STK32B: variants seen among roughly 807,000 people sequenced by gnomAD.
STK32B encodes the protein serine/threonine kinase 32B.
STK32B carries 43 observed loss-of-function variants against 52.6 expected under a neutral mutation model. The observed-to-expected ratio is 0.82, with a 90% CI of 0.64 to 1.05. The LOEUF (loss-of-function observed/expected upper bound fraction) is 1.05. Among genes scored for constraint, STK32B ranks in the 50% least tolerant of loss-of-function variants. STK32B has a pLI of 0.00. For missense variants in STK32B, 621 were observed against 534.6 expected (o/e 1.16, Z -1.59); for synonymous variants, 238 against 204.3 (o/e 1.17, Z -1.41).
chr4:5,335,228 T>G (rs1732574339), intron 4 of STK32B, among the ~76,000 whole-genome samples: 1 of 152,204 alleles, frequency 6.6e-6, no homozygotes. Context: ...GTCGAGGAAT[T>G]TATCCATTTC....
chr4:5,200,907 G>A (rs1162957583), intron 3 of STK32B, among the ~76,000 whole-genome samples: 2 of 152,214 alleles, frequency 1.3e-5, no homozygotes, highest in Non-Finnish European at 2.9e-5. Context: ...GTTCCATGAT[G>A]TAGCCAGGGT....
intron 4 of STK32B, among the ~76,000 whole-genome samples, chr4:5,363,567 T>A (rs932659037): frequency 6.6e-6 from 1 of 152,204 alleles, no homozygotes; most frequent in African/African-American, 2.4e-5. Flanking sequence ...TTTTAGAAAT[T>A]ACAGGGCTTG....
intron 2 of STK32B, among the ~76,000 whole-genome samples, chr4:5,159,528 T>G (rs374062407): frequency 8.3e-6 from 1 of 120,698 alleles, no homozygotes; most frequent in African/African-American, 3.2e-5. Flanking sequence ...ATATATGATA[T>G]ATATGTATAT....
chr4:5,237,262 C>T (rs544804331), intron 3 of STK32B, among the ~76,000 whole-genome samples: 6 of 152,308 alleles, frequency 3.9e-5, no homozygotes, highest in South Asian at 4.1e-4. Context: ...GCTCAGCTCA[C>T]GCCAGATTCC....
At chr4:5,274,264 A>G (rs1727654697) in intron 3 of STK32B, among the ~76,000 whole-genome samples, 1 of 152,358 alleles carries the variant, frequency 6.6e-6, no homozygotes, top group Admixed American at 6.5e-5. Context: ...AAGACAGTGT[A>G]GTATTGGTGC....
rs1479846069 is a variant in STK32B at position 5,455,856 on chromosome 4, G to A, written c.667-951G>A. ...ACTAATTTTACTGGCACATATTAATGGCAGTCAACTTCATATGGGTTAATC... is the reference window on the plus strand; with the variant it reads ...ACTAATTTTACTGGCACATATTAATAGCAGTCAACTTCATATGGGTTAATC... On this transcript the variant is annotated intron_variant, in intron 7 of 11. Transcript: ENST00000282908. Among the ~76,000 whole-genome samples, 3 of 152,284 alleles carry A rather than the reference G, an allele frequency of 2.0e-5. No homozygotes were observed. The East Asian group carries it at 5.8e-4, about 29-fold the overall frequency.
chr4:5,041,637 C>T, the STK32B span, among the ~76,000 whole-genome samples: 8 of 151,458 alleles, frequency 5.3e-5, no homozygotes, highest in South Asian at 2.1e-4. Flanking sequence ...GAGCACTCAA[C>T]GCACACACAC....
chr4:5,484,874 C>G (rs932642105), intron 11 of STK32B, among the ~76,000 whole-genome samples: 4 of 152,138 alleles, frequency 2.6e-5, no homozygotes, highest in Non-Finnish European at 5.9e-5. Context: ...ATATGAAATT[C>G]TGGGTTGAAA....
intron 1 of STK32B, among the ~76,000 whole-genome samples, chr4:5,105,757 G>A (rs1056458333): frequency 6.6e-6 from 1 of 151,752 alleles, no homozygotes; most frequent in Admixed American, 6.6e-5. Flanking sequence ...TAGAGACAGG[G>A]TTTCACTGTG....
At chr4:5,375,614 C>G (rs1735538218) in intron 4 of STK32B, among the ~76,000 whole-genome samples, 1 of 152,174 alleles carries the variant, frequency 6.6e-6, no homozygotes, top group South Asian at 2.1e-4. Context: ...AATATCTTCT[C>G]CTACCTCTCT....
intron 6 of STK32B, among the ~76,000 whole-genome samples, chr4:5,438,935 T>C (rs1312474936): frequency 2.0e-5 from 3 of 151,998 alleles, no homozygotes; most frequent in Non-Finnish European, 4.4e-5. Context: ...CATGAACTCA[T>C]CATTTTTTAT....
chr4:5,252,750 G>A (rs1343340240), intron 3 of STK32B, among the ~76,000 whole-genome samples: 1 of 152,012 alleles, frequency 6.6e-6, no homozygotes, highest in Non-Finnish European at 1.5e-5. Context: ...GTGGTCTTAG[G>A]CGATCTTTTT....
Position 5,293,101 on chromosome 4 carries a change from T to C in STK32B, c.261-38119T>C, listed in dbSNP as rs528888658. Among the ~76,000 whole-genome samples, 13 of 152,226 alleles carry C rather than the reference T, an allele frequency of 8.5e-5. No individual in the cohort carries two copies. The South Asian group carries it at 2.5e-3, about 29-fold the overall frequency. ...ATGATAGTTTCCAGCTTCATCCGTGTCCCTGCAAAAGACATTAACTCATTC... is the reference window on the plus strand; with the variant it reads ...ATGATAGTTTCCAGCTTCATCCGTGCCCCTGCAAAAGACATTAACTCATTC... On this transcript the variant is annotated intron_variant, in intron 3 of 11. Coordinates refer to ENST00000282908, the MANE Select transcript of STK32B (RefSeq NM_018401.3).
At chr4:5,183,644 C>T (rs1720523036) in intron 3 of STK32B, among the ~76,000 whole-genome samples, 1 of 152,104 alleles carries the variant, frequency 6.6e-6, no homozygotes, top group Non-Finnish European at 1.5e-5. Flanking sequence ...ATTAAGTTCG[C>T]CTCCTTATTT....
chr4:5,459,286 C>A (rs924085642), intron 8 of STK32B, among the ~76,000 whole-genome samples: 7 of 58,032 alleles, frequency 1.2e-4, no homozygotes, highest in Admixed American at 3.8e-4. Context: ...TGGTGTGCCC[C>A]CCCCCCCCAC....
At chr4:5,235,483 G>GTAT (rs1724560475) in intron 3 of STK32B, among the ~76,000 whole-genome samples, 1 of 152,162 alleles carries the variant, frequency 6.6e-6, no homozygotes, top group South Asian at 2.1e-4. Flanking sequence ...CAAGCACTTA[G>GTAT]ACTAGTACAA....
At chr4:5,070,251 G>T (rs1711676285) in intron 1 of STK32B, among the ~76,000 whole-genome samples, 1 of 152,158 alleles carries the variant, frequency 6.6e-6, no homozygotes, top group Non-Finnish European at 1.5e-5. Flanking sequence ...TCTGACTCTG[G>T]CAAGTAGTGT....
intron 3 of STK32B, among the ~76,000 whole-genome samples, chr4:5,201,300 G>A (rs1435906799): frequency 6.6e-6 from 1 of 152,186 alleles, no homozygotes; most frequent in Non-Finnish European, 1.5e-5. Flanking sequence ...TGGGGGTGTA[G>A]TGAGCATCCT....
chr4:5,336,014 G>A (rs529213627), intron 4 of STK32B, among the ~76,000 whole-genome samples: 2 of 151,092 alleles, frequency 1.3e-5, no homozygotes, highest in Non-Finnish European at 2.9e-5. Context: ...TTCCTTACCC[G>A]AAAGGAAGAC....
Sources: allele counts gnomAD v4.1 joint callset (sites outside exome capture counted in the v4.1 genomes callset), GRCh38; gene constraint gnomAD v4.1.1; transcripts MANE v1.5; gene names NCBI Gene and HGNC (gene_info 2026-07-23, HGNC 2026-07-21).